CADPS: variants seen among roughly 807,000 people sequenced by gnomAD.
CADPS encodes the protein calcium dependent secretion activator.
In CADPS, 57 loss-of-function variants were observed where a neutral mutation model predicts 167.3. That is an observed-to-expected ratio of 0.34 (90% CI 0.28 to 0.42). The LOEUF (loss-of-function observed/expected upper bound fraction) is 0.42. Among genes scored for constraint, CADPS ranks in the 20% least tolerant of loss-of-function variants. The probability of loss-of-function intolerance (pLI) is 1.00; values close to 1 mark genes in which losing one functional copy is unlikely to be tolerated. For missense variants in CADPS, 1,414 were observed against 1,738.1 expected (o/e 0.81, Z 3.32); for synonymous variants, 676 against 635.3 (o/e 1.06, Z -0.96).
intron 1 of CADPS, among the ~76,000 whole-genome samples, chr3:62,774,178 C>T (rs147484492): frequency 5.7e-3 from 865 of 151,736 alleles, no homozygotes; most frequent in Non-Finnish European, 7.4e-3. Context: ...TCAAAGGGGA[C>T]GAAAAGAAGA....
chr3:62,433,796 A>G lies in CADPS; in HGVS notation c.3777+4308T>C, dbSNP rs772906001. ...GAAGAAAGAAAATTAATTTTTGTTT[A>G]GACCTTGAAATCTTAGGTGCGTCTC... On this transcript the variant is annotated intron_variant, in intron 28 of 29. Transcript: ENST00000383710. This position sits in a 1 kb window ranked among gnomAD's most constrained non-coding sequence, Gnocchi z 4.7. Among the ~76,000 whole-genome samples, 2 of 152,232 alleles carry G rather than the reference A, an allele frequency of 1.3e-5. No homozygotes were observed. Among genetic ancestry groups the G allele is most frequent in the African/African-American group, 2.4e-5 (1 of 41,462 alleles).
At chr3:62,844,714 C>A (rs986778127) in intron 1 of CADPS, among the ~76,000 whole-genome samples, 4 of 152,106 alleles carry the variant, frequency 2.6e-5, no homozygotes, top group Admixed American at 2.0e-4. Flanking sequence ...CACACTAATG[C>A]GATTGGGAAA....
intron 1 of CADPS, among the ~76,000 whole-genome samples, chr3:62,766,771 C>T (rs1352683125): frequency 1.3e-5 from 2 of 152,146 alleles, no homozygotes; most frequent in Admixed American, 1.3e-4. Flanking sequence ...TCTATCATGC[C>T]ATCCATCAGG....
At position 62,581,136 on chromosome 3, in the gene CADPS, G is replaced by A. The variant is rs115876058; in HGVS notation, c.1577+4049C>T. On this transcript the variant is annotated intron_variant, in intron 8 of 29. Coordinates refer to ENST00000383710, the MANE Select transcript of CADPS (RefSeq NM_003716.4). ...AAAGAAGAAGTTTCTTGCATTTCTA[G>A]TTGTTATAGTTAGTAAAAATGGTAA... is the stretch of plus-strand genomic sequence containing the variant. Among the ~76,000 whole-genome samples, 704 of 152,250 alleles carry A rather than the reference G, an allele frequency of 4.6e-3. 1 individual carries two copies. Among genetic ancestry groups the A allele is most frequent in the African/African-American group, 0.015 (641 of 41,556 alleles).
chr3:62,620,100 C>T (rs751977849), intron 6 of CADPS, among the ~76,000 whole-genome samples: 3 of 151,776 alleles, frequency 2.0e-5, no homozygotes, highest in Non-Finnish European at 4.4e-5. Context: ...TCTTGGGAAA[C>T]AGGGATCTGT....
chr3:62,742,498 A>G (rs2080486049), intron 3 of CADPS, among the ~76,000 whole-genome samples: 1 of 152,192 alleles, frequency 6.6e-6, no homozygotes, highest in African/African-American at 2.4e-5. Context: ...CTGATCTTCC[A>G]CAAACCCGAC....
chr3:62,415,139 C>G (rs981532346), intron 28 of CADPS, among the ~76,000 whole-genome samples: 1 of 147,132 alleles, frequency 6.8e-6, no homozygotes, highest in Non-Finnish European at 1.5e-5. Flanking sequence ...CGCACACGTA[C>G]GACATCCAAC....
chr3:62,844,490 C>T (rs1039627013), intron 1 of CADPS, among the ~76,000 whole-genome samples: 17 of 152,166 alleles, frequency 1.1e-4, no homozygotes, highest in African/African-American at 3.6e-4. Context: ...TCCTTTTACA[C>T]TTTACTGAGG....
At chr3:62,748,041 C>T (rs2081859409) in intron 3 of CADPS, among the ~76,000 whole-genome samples, 1 of 151,798 alleles carries the variant, frequency 6.6e-6, no homozygotes, top group Non-Finnish European at 1.5e-5. Context: ...ATGAAGATGG[C>T]CGGGCGTGGC....
chr3:62,815,042 T>C (rs2094551100), intron 1 of CADPS, among the ~76,000 whole-genome samples: 1 of 152,200 alleles, frequency 6.6e-6, no homozygotes, highest in South Asian at 2.1e-4. Flanking sequence ...TTTACATGTA[T>C]ATAGTTTTGT....
intron 1 of CADPS, among the ~76,000 whole-genome samples, chr3:62,825,694 C>A (rs1040732510): frequency 5.9e-5 from 9 of 152,308 alleles, no homozygotes; most frequent in Non-Finnish European, 1.3e-4. Flanking sequence ...AAGCCCTTTT[C>A]CATGCAACCT....
At chr3:62,649,648 T>A (rs1048111284) in intron 5 of CADPS, among the ~76,000 whole-genome samples, 14 of 143,932 alleles carry the variant, frequency 9.7e-5, no homozygotes, top group Non-Finnish European at 1.8e-4. Context: ...GCAGCCTTGA[T>A]CTCCCTAGCT....
At chr3:62,692,371 C>T (rs2079316557) in intron 3 of CADPS, among the ~76,000 whole-genome samples, 1 of 104,114 alleles carries the variant, frequency 9.6e-6, no homozygotes, top group African/African-American at 3.7e-5. Flanking sequence ...ATGCCTTGCA[C>T]ACTTATGAGT....
At chr3:62,563,630 G>A (rs1240811445) in intron 9 of CADPS, among the ~76,000 whole-genome samples, 2 of 152,126 alleles carry the variant, frequency 1.3e-5, no homozygotes, top group African/African-American at 4.8e-5. Context: ...AGATTTTGGT[G>A]AACCCATCTC....
At chr3:62,483,821 G>A (rs1246888954) in intron 21 of CADPS, among the ~76,000 whole-genome samples, 1 of 152,060 alleles carries the variant, frequency 6.6e-6, no homozygotes, top group African/African-American at 2.4e-5. Context: ...TGAGACATGT[G>A]TAAGCCTATA....
intron 28 of CADPS, among the ~76,000 whole-genome samples, chr3:62,428,729 C>T (rs1317784635): frequency 1.3e-5 from 2 of 152,174 alleles, no homozygotes; most frequent in Non-Finnish European, 2.9e-5. Flanking sequence ...TACCTGTATA[C>T]TTTTAGTGGT....
rs11353455 is a variant in CADPS, at chr3:62,417,276, C to CTTTTTT, written c.3778-14097_3778-14092dup. 2.6e-3 allele frequency among the ~76,000 whole-genome samples: 167 copies of CTTTTTT among 64,074 alleles called. 35 individuals are homozygous for CTTTTTT. Among genetic ancestry groups the CTTTTTT allele is most frequent in the East Asian group, 4.3e-3 (8 of 1,850 alleles). The allele number at this position is 64,074 out of a possible 152,430, so 42.0% of individuals were successfully genotyped here. On this transcript the variant is annotated intron_variant, in intron 28 of 29. Coordinates refer to ENST00000383710, the MANE Select transcript of CADPS (RefSeq NM_003716.4). ...ACACAATAACTATTTTTCTTTTACT[C>CTTTTTT]TTTTTTTTTTTTTTTTTTTTTTTTT...
intron 13 of CADPS, among the ~76,000 whole-genome samples, chr3:62,526,177 A>T (rs897959972): frequency 7.2e-5 from 11 of 152,144 alleles, no homozygotes. Context: ...ATCTTAATCT[A>T]CAAGGGATCA....
intron 28 of CADPS, among the ~76,000 whole-genome samples, chr3:62,430,168 T>A (rs1202076533): frequency 1.3e-5 from 2 of 152,208 alleles, no homozygotes; most frequent in Non-Finnish European, 2.9e-5. Flanking sequence ...TTATCTTTTT[T>A]TGTATGCAGG....
Sources: allele counts gnomAD v4.1 joint callset (sites outside exome capture counted in the v4.1 genomes callset), GRCh38; gene constraint gnomAD v4.1.1; non-coding constraint Gnocchi (gnomAD v3.1); transcripts MANE v1.5; gene names NCBI Gene and HGNC (gene_info 2026-07-23, HGNC 2026-07-21).